The following NUBP1 variants were observed in gnomAD, a reference collection of about 807,000 sequenced individuals.
The protein encoded by NUBP1 is cytosolic Fe-S cluster assembly factor NUBP1.
NUBP1 carries 46 observed loss-of-function variants against 41.8 expected under a neutral mutation model. The ratio of observed to expected loss-of-function variants is 1.10; its 90% CI spans 0.87 to 1.41. The LOEUF (loss-of-function observed/expected upper bound fraction) is 1.41. Ranked by LOEUF, NUBP1 falls within the 40% of genes most tolerant of loss-of-function variation. The probability of loss-of-function intolerance (pLI) is 0.00; values close to 1 mark genes in which losing one functional copy is unlikely to be tolerated. For synonymous variants in NUBP1, 189 were observed against 154.6 expected, an observed-to-expected ratio of 1.22 and a Z score of -1.65; for missense variants, 494 against 414.0, an observed-to-expected ratio of 1.19 and a Z score of -1.68.
At position 10,768,965 on chromosome 16, in the gene NUBP1, C is replaced by T. The variant is rs2142853516; in HGVS notation, c.905-82C>T. ...CCAGAGGATTCCACCCCTGTCAAAA[C>T]ACAGCCCTCCCCAGCACAGGACAGG... On this transcript the variant is annotated intron_variant, in intron 10 of 10. Coordinates refer to ENST00000283027, the MANE Select transcript of NUBP1 (RefSeq NM_002484.4). The surrounding 1 kb of genome is among the most constrained non-coding windows in gnomAD (Gnocchi z 4.3). 7.8e-7 allele frequency: 1 copy of T among 1,278,972 alleles called. No individual in the cohort carries two copies. The highest frequency in any genetic ancestry group is 1.1e-6 in the Non-Finnish European group (1 of 883,872). 79.2% of individuals were successfully genotyped at this position (1,278,972 alleles called of 1,614,324 possible).
Position 10,769,156 on chromosome 16 carries a change from G to C in NUBP1, c.*51G>C. The C allele has an allele frequency of 6.4e-7, 1 of 1,570,300 alleles. No homozygotes were observed. The highest frequency in any genetic ancestry group is 1.1e-5 in the South Asian group (1 of 90,018). On this transcript the variant is annotated 3_prime_UTR_variant, in exon 11 of 11. Coordinates refer to ENST00000283027, the MANE Select transcript of NUBP1 (RefSeq NM_002484.4). Reference sequence around the variant, plus strand: ...AGTTACCGAGCGAGGCACTCACTGGGCAGCACATCCAGCCAGACCCGACCA... The same window carrying C: ...AGTTACCGAGCGAGGCACTCACTGGCCAGCACATCCAGCCAGACCCGACCA...
rs191155488 is a variant in NUBP1, at chr16:10,743,877, C to T, written c.14C>T (p.Pro5Leu). 1.9e-6 allele frequency: 3 copies of T among 1,567,154 alleles called. No individual in the cohort carries two copies. Among genetic ancestry groups the T allele is most frequent in the East Asian group, 2.4e-5 (1 of 42,300 alleles). Residue 5 changes from proline to leucine, a missense_variant, in exon 1 of 11, where the codon CCT becomes CTT. Pro to Leu is a moderately conservative substitution (Grantham distance 98). Coordinates refer to ENST00000283027, the MANE Select transcript of NUBP1 (RefSeq NM_002484.4). MEEVPHDCPGADSAQ... is the reference protein window; with the variant it reads MEEVLHDCPGADSAQ... ...AAAGGCGACGGAATGGAGGAGGTGC[C>T]TCACGGTAAGCTCGCGGAGGGGGCG...
At chr16:10,755,676 G>T (rs1262863419) in intron 4 of NUBP1, 45 bp from the exon 5 acceptor site, 2 of 1,594,310 alleles carry the variant, frequency 1.3e-6, no homozygotes, top group Non-Finnish European at 1.7e-6. Flanking sequence ...TGTGACCAGG[G>T]TACATGATTT....
intron 2 of NUBP1, among the ~76,000 whole-genome samples, chr16:10,744,616 G>A (rs1221041952): frequency 6.6e-6 from 1 of 152,182 alleles, no homozygotes; most frequent in Non-Finnish European, 1.5e-5. Flanking sequence ...CTTTACTGGG[G>A]AAACAAACAC....
rs1596486417 is a variant in NUBP1, at chr16:10,769,117, G to A, written c.*12G>A. 5 of 1,613,196 alleles carry A rather than the reference G, an allele frequency of 3.1e-6. No homozygotes were observed. The highest frequency in any genetic ancestry group is 4.2e-6 in the Non-Finnish European group (5 of 1,179,194). The stretch of plus-strand genomic sequence containing the variant: ...TCATCAGTTCCTGAAACGAGAGAAT[G>A]TTCAGGACCAAGCAGTTACCGAGCG... On this transcript the variant is annotated 3_prime_UTR_variant, in exon 11 of 11. Transcript: ENST00000283027.
Position 10,757,649 on chromosome 16 carries a change from G to C in NUBP1, c.452-224G>C, listed in dbSNP as rs1208880113. ...CCACTGACTTACAGCATAGACCAAA[G>C]GCACAAAAAGATCAGATCATGCTTC... On this transcript the variant is annotated intron_variant, in intron 6 of 10. Transcript: ENST00000283027. The surrounding 1 kb of genome is among the most constrained non-coding windows in gnomAD (Gnocchi z 4.1). 6.6e-6 allele frequency among the ~76,000 whole-genome samples: 1 copy of C among 152,074 alleles called. No individual in the cohort carries two copies. The highest frequency in any genetic ancestry group is 1.5e-5 in the Non-Finnish European group (1 of 68,016).
In NUBP1 at chr16:10,761,810, G is replaced by A; in HGVS notation, c.771G>A (p.Gln257=). ...CCGGGGGCGCGGAGCTCATGTGCCA[G>A]GACTTGGAGGTCCCTCTCCTCGGCA... ...PTTGGAELMC[Q]DLEVPLLGRV... is the part of the protein sequence containing the mutation. Residue 257 remains glutamine (Q), a synonymous_variant, in exon 9 of 11, where the codon CAG becomes CAA. Transcript: ENST00000283027. The A allele has an allele frequency of 3.7e-6, 6 of 1,614,128 alleles. No individual in the cohort carries two copies. The highest frequency in any genetic ancestry group is 3.3e-5 in the South Asian group (3 of 91,082).
chr16:10,765,035 G>A lies in NUBP1; in HGVS notation c.821-2914G>A. On this transcript the variant is annotated intron_variant, in intron 9 of 10. Coordinates refer to ENST00000283027, the MANE Select transcript of NUBP1 (RefSeq NM_002484.4). This position sits in a 1 kb window ranked among gnomAD's most constrained non-coding sequence, Gnocchi z 4.0. Reference sequence around the variant, plus strand: ...CTCCCAGAAGCGTGCCTGCCCGAGTGCCATGCTCGTCTCAGTCACTAGCTA... The same window carrying A: ...CTCCCAGAAGCGTGCCTGCCCGAGTACCATGCTCGTCTCAGTCACTAGCTA... 6.4e-6 allele frequency: 1 copy of A among 157,406 alleles called. No individual in the cohort carries two copies. Among genetic ancestry groups the A allele is most frequent in the Non-Finnish European group, 1.4e-5 (1 of 70,896 alleles). The allele number at this position is 157,406 out of a possible 1,614,324, so 9.8% of individuals were successfully genotyped here.
At position 10,768,202 on chromosome 16, in the gene NUBP1, T is replaced by C. The variant is rs1214100989; in HGVS notation, c.904+170T>C. On this transcript the variant is annotated intron_variant, in intron 10 of 10. Coordinates refer to ENST00000283027, the MANE Select transcript of NUBP1 (RefSeq NM_002484.4). This position sits in a 1 kb window ranked among gnomAD's most constrained non-coding sequence, Gnocchi z 4.3. ...TGAGAAATCTCTCAATGTGTGAGTA[T>C]TGTGAATTAATTCATAGTTTAAAAA... 3 of 535,580 alleles carry C rather than the reference T, an allele frequency of 5.6e-6. No homozygotes were observed. The highest frequency in any genetic ancestry group is 3.4e-5 in the Admixed American group (1 of 29,538). 33.2% of individuals were successfully genotyped at this position (535,580 alleles called of 1,614,324 possible). A position where few individuals can be genotyped will look rare whatever the true frequency, so the allele number is the denominator to read the frequency against.
Position 10,759,085 on chromosome 16 carries a change from C to A in NUBP1, c.606+1058C>A, listed in dbSNP as rs1188262563. ...CCCAGCAAAGGAGGTTTGATTTGAT[C>A]TCACTGGCCAGAATCAGTCAGGACG... is the stretch of plus-strand genomic sequence containing the variant. On this transcript the variant is annotated intron_variant, in intron 7 of 10. Transcript: ENST00000283027. This position sits in a 1 kb window ranked among gnomAD's most constrained non-coding sequence, Gnocchi z 4.7. Among the ~76,000 whole-genome samples, 1 of 152,222 alleles carries A rather than the reference C, an allele frequency of 6.6e-6. No homozygotes were observed. Among genetic ancestry groups the A allele is most frequent in the Admixed American group, 6.5e-5 (1 of 15,282 alleles).
chr16:10,760,648 G>C (rs886649674), intron 7 of NUBP1, among the ~76,000 whole-genome samples: 2 of 152,150 alleles, frequency 1.3e-5, no homozygotes, highest in African/African-American at 4.8e-5. Flanking sequence ...GAGGCAGGAG[G>C]ATTGCCTGAG....
rs977539782 is a variant in NUBP1, at chr16:10,761,799, C to T, written c.760C>T (p.Leu254Phe). Residue 254 changes from leucine to phenylalanine, a missense_variant, in exon 9 of 11, where the codon CTC (leucine) becomes TTC (phenylalanine). Transcript: ENST00000283027. ...IFPPTTGGAE[L>F]MCQDLEVPLL... is the part of the protein sequence containing the mutation. Reference sequence around the variant, plus strand: ...CCCTCCCACAACCGGGGGCGCGGAGCTCATGTGCCAGGACTTGGAGGTCCC... The same window carrying T: ...CCCTCCCACAACCGGGGGCGCGGAGTTCATGTGCCAGGACTTGGAGGTCCC... The T allele has an allele frequency of 6.8e-6, 11 of 1,614,140 alleles. No individual in the cohort carries two copies. Among genetic ancestry groups the T allele is most frequent in the Non-Finnish European group, 9.3e-6 (11 of 1,179,994 alleles).
chr16:10,762,777 A>G (rs2030168850), intron 9 of NUBP1, among the ~76,000 whole-genome samples: 1 of 149,730 alleles, frequency 6.7e-6, no homozygotes, highest in Admixed American at 6.6e-5. Context: ...CGGGCGGGTG[A>G]AGTATGGCCT....
chr16:10,745,881 C>T (rs1228491767), intron 2 of NUBP1, among the ~76,000 whole-genome samples: 2 of 152,178 alleles, frequency 1.3e-5, no homozygotes, highest in Non-Finnish European at 2.9e-5. Flanking sequence ...TGGACATGGT[C>T]AGTGTGGCGT....
Position 10,767,798 on chromosome 16 carries a change from C to A in NUBP1, c.821-151C>A. The A allele has an allele frequency of 1.5e-6, 1 of 668,492 alleles. No individual in the cohort carries two copies. The highest frequency in any genetic ancestry group is 2.6e-6 in the Non-Finnish European group (1 of 386,994). The allele number at this position is 668,492 out of a possible 1,614,324, so 41.4% of individuals were successfully genotyped here. On this transcript the variant is annotated intron_variant, in intron 9 of 10. Transcript: ENST00000283027. The surrounding 1 kb of genome is among the most constrained non-coding windows in gnomAD (Gnocchi z 4.6). ...CCTGCTGGAAGGAAGGTCCCTGAGACCCCACTGGTCTTTTCTACTTTGTTC... is the reference window on the plus strand; with the variant it reads ...CCTGCTGGAAGGAAGGTCCCTGAGAACCCACTGGTCTTTTCTACTTTGTTC...
rs78323364 is a variant in NUBP1, at chr16:10,762,642, A to G, written c.820+783A>G. Among the ~76,000 whole-genome samples the G allele has an allele frequency of 4.7e-3, 709 of 152,242 alleles. 10 individuals are homozygous for G. Among genetic ancestry groups the G allele is most frequent in the African/African-American group, 0.015 (641 of 41,530 alleles). On this transcript the variant is annotated intron_variant, in intron 9 of 10. Coordinates refer to ENST00000283027, the MANE Select transcript of NUBP1 (RefSeq NM_002484.4). The stretch of plus-strand genomic sequence containing the variant: ...TTAGGTCTGAGGGGAGAACAGAGAG[A>G]GAAGGCTGGAGGGGAGGCCGGGATC...
chr16:10,755,184 A>G (rs1900495082), intron 4 of NUBP1, among the ~76,000 whole-genome samples: 1 of 152,220 alleles, frequency 6.6e-6, no homozygotes, highest in South Asian at 2.1e-4. Context: ...GGCTTCATCA[A>G]GAAAATTAAA....
chr16:10,766,148 G>C lies in NUBP1; in HGVS notation c.821-1801G>C, dbSNP rs938341349. 1.3e-5 allele frequency: 2 copies of C among 152,436 alleles called. No individual in the cohort carries two copies. The highest frequency in any genetic ancestry group is 4.8e-5 in the African/African-American group (2 of 41,448). The allele number at this position is 152,436 out of a possible 1,614,324, so 9.4% of individuals were successfully genotyped here. ...CTCTGGTGCTATGGGTCCTGGTCCC[G>C]GTGTGCTGAGGATCACAGGAAGGGC... On this transcript the variant is annotated intron_variant, in intron 9 of 10. Transcript: ENST00000283027. The surrounding 1 kb of genome is among the most constrained non-coding windows in gnomAD (Gnocchi z 4.8).
At chr16:10,762,142 G>T in intron 9 of NUBP1, 1 of 297,932 alleles carries the variant, frequency 3.4e-6, no homozygotes, top group Admixed American at 4.6e-5. Flanking sequence ...GGGGACTGAG[G>T]AGGGCACCCG....
Sources: gnomAD v4.1 joint callset for allele counts (sites outside exome capture counted in the v4.1 genomes callset) on GRCh38, gnomAD v4.1.1 for gene constraint, Gnocchi (gnomAD v3.1) non-coding constraint, MANE v1.5 for transcripts, NCBI Gene and HGNC (gene_info 2026-07-23, HGNC 2026-07-21) for gene names.